CUX1: variants seen among roughly 807,000 people sequenced by gnomAD.
CUX1 encodes the protein cut like homeobox 1, also known as protein CASP.
Under a neutral mutation model 158.8 loss-of-function variants are expected in CUX1, and 31 were observed. The observed-to-expected ratio is 0.20, with a 90% CI of 0.15 to 0.26. The LOEUF (loss-of-function observed/expected upper bound fraction) is 0.26, where lower values mean the gene tolerates loss of function less well. CUX1 is among the 10% of genes least tolerant of loss of function. The pLI is 1.00. For missense variants in CUX1, 1,589 were observed against 2,014.6 expected (o/e 0.79, Z 4.04); for synonymous variants, 879 against 862.1 (o/e 1.02, Z -0.34).
intron 1 of CUX1, among the ~76,000 whole-genome samples, chr7:101,848,714 A>C (rs1329534120): frequency 6.6e-6 from 1 of 151,868 alleles, no homozygotes; most frequent in Non-Finnish European, 1.5e-5. Flanking sequence ...TGCACAGCAA[A>C]CAGAAGACAA....
chr7:102,198,735 C>A, intron 15 of CUX1, 67 bp from the exon 16 acceptor site: 1 of 1,381,170 alleles, frequency 7.2e-7, no homozygotes, highest in Admixed American at 1.7e-5. Context: ...TCATGTCACA[C>A]AGCCCATATC....
In CUX1 at chr7:102,041,060, G is replaced by A. The variant is rs1192921757; in HGVS notation, c.189+12915G>A. 3.3e-5 allele frequency among the ~76,000 whole-genome samples: 5 copies of A among 151,774 alleles called. No individual in the cohort carries two copies. In the South Asian group the frequency reaches 6.2e-4, roughly 19 times the overall value. On this transcript the variant is annotated intron_variant, in intron 3 of 23. Coordinates refer to ENST00000292535, the MANE Select transcript of CUX1 (RefSeq NM_181552.4). ...TACCAGCACTTTGGGAGGCTGAGGC[G>A]GGTGGATCACAAGGTCAGGAGTTCA...
intron 23 of CUX1, among the ~76,000 whole-genome samples, chr7:102,245,394 C>G (rs984833424): frequency 6.6e-6 from 1 of 152,118 alleles, no homozygotes; most frequent in Non-Finnish European, 1.5e-5. Context: ...TCCATCAGCA[C>G]CCAAGTGCAG....
chr7:102,110,396 A>C (rs543227138), intron 6 of CUX1, among the ~76,000 whole-genome samples: 3 of 152,316 alleles, frequency 2.0e-5, no homozygotes, highest in South Asian at 4.1e-4. Context: ...ATAATGTTAC[A>C]TATTAATTCA....
intron 2 of CUX1, among the ~76,000 whole-genome samples, chr7:102,009,347 C>T (rs1185509520): frequency 1.3e-5 from 2 of 152,178 alleles, no homozygotes; most frequent in South Asian, 2.1e-4. Context: ...AGGTGACACC[C>T]CTCACCTAGG....
intron 8 of CUX1, among the ~76,000 whole-genome samples, chr7:102,133,467 C>CTT (rs11266929): frequency 0.027 from 2,467 of 90,570 alleles, 212 homozygotes; most frequent in Non-Finnish European, 0.037. Context: ...AAAAATACAT[C>CTT]TTTTTTTTTT....
chr7:101,961,455 A>C (rs1168597382), intron 2 of CUX1: 1 of 152,240 alleles, frequency 6.6e-6, no homozygotes, highest in African/African-American at 2.4e-5. Flanking sequence ...CTCCATTCCC[A>C]CATGGAGAGT....
At chr7:101,928,694 G>T in intron 2 of CUX1, among the ~76,000 whole-genome samples, 1 of 138,522 alleles carries the variant, frequency 7.2e-6, no homozygotes, top group Non-Finnish European at 1.5e-5. Flanking sequence ...TTTTTGAGAC[G>T]GAGTCTCGCT....
intron 1 of CUX1, among the ~76,000 whole-genome samples, chr7:101,861,194 G>A (rs184351575): frequency 8.5e-5 from 13 of 152,250 alleles, no homozygotes; most frequent in African/African-American, 2.9e-4. Context: ...TTTCTGCCCC[G>A]TGTCTGCTGG....
intron 1 of CUX1, among the ~76,000 whole-genome samples, chr7:101,827,244 C>CCTTCTCTTCCCTTCT (rs1793413821): frequency 7.7e-6 from 1 of 129,676 alleles, no homozygotes; most frequent in Non-Finnish European, 1.6e-5. Context: ...CCCCTCCCCT[C>CCTTCTCTTCCCTTCT]CTTCTCTTCT....
intron 20 of CUX1, among the ~76,000 whole-genome samples, chr7:102,222,965 G>C (rs1425315825): frequency 6.6e-6 from 1 of 150,880 alleles, no homozygotes; most frequent in African/African-American, 2.4e-5. Flanking sequence ...GCACGCGCCT[G>C]GCTAATTTTT....
At chr7:101,945,095 C>G (rs1808213406) in intron 2 of CUX1, among the ~76,000 whole-genome samples, 1 of 152,234 alleles carries the variant, frequency 6.6e-6, no homozygotes, top group Admixed American at 6.5e-5. Flanking sequence ...CACACACAGT[C>G]ACCCACTGGT....
chr7:102,098,768 A>T (rs1464920383), intron 5 of CUX1, among the ~76,000 whole-genome samples: 1 of 148,602 alleles, frequency 6.7e-6, no homozygotes, highest in East Asian at 2.0e-4. Flanking sequence ...AGCCTCCCGA[A>T]TAGCTGGGAC....
At chr7:101,865,570 CAGAG>C (rs1797858977) in intron 1 of CUX1, among the ~76,000 whole-genome samples, 1 of 152,182 alleles carries the variant, frequency 6.6e-6, no homozygotes, top group African/African-American at 2.4e-5. Flanking sequence ...AGTCCCCTGT[CAGAG>C]AGCAATGACA....
At chr7:102,189,510 C>T (rs1362293943) in intron 11 of CUX1, among the ~76,000 whole-genome samples, 1 of 152,040 alleles carries the variant, frequency 6.6e-6, no homozygotes, top group Non-Finnish European at 1.5e-5. Context: ...GTCCTCCCAC[C>T]TCAGCCTCCC....
Position 102,201,633 on chromosome 7 carries a change from C to A in CUX1, c.2336C>A (p.Pro779Gln), listed in dbSNP as rs782209446. ...CCTGAGGCCGGTGCCTCTGCTCTGC[C>A]GAACCCCCCGGCCCTCAAAAAGGAG... Reference protein sequence around the residue: ...AAPEAGASALPNPPALKKEAQ... With the variant: ...AAPEAGASALQNPPALKKEAQ... The change falls in exon 18 of 24, where the codon CCG (proline) becomes CAG (glutamine). Residue 779 changes from proline (P) to glutamine (Q), a missense_variant. Physicochemically the swap from Pro to Gln is moderately conservative, Grantham distance 76. Coordinates refer to ENST00000292535, the MANE Select transcript of CUX1 (RefSeq NM_181552.4). This position sits in a 1 kb window ranked among gnomAD's most constrained non-coding sequence, Gnocchi z 5.0. 6.2e-7 allele frequency: 1 copy of A among 1,613,692 alleles called. No individual in the cohort carries two copies. The highest frequency in any genetic ancestry group is 8.5e-7 in the Non-Finnish European group (1 of 1,179,906).
At chr7:102,143,357 C>G (rs1338525230) in intron 8 of CUX1, among the ~76,000 whole-genome samples, 1 of 152,222 alleles carries the variant, frequency 6.6e-6, no homozygotes, top group Admixed American at 6.5e-5. Flanking sequence ...CAGCCTCCAA[C>G]TCCTGGGCTC....
chr7:102,011,532 G>A (rs563419668), intron 2 of CUX1, among the ~76,000 whole-genome samples: 2 of 151,550 alleles, frequency 1.3e-5, no homozygotes, highest in African/African-American at 4.8e-5. Context: ...ACAGGTGTGC[G>A]CCACCATGCC....
intron 3 of CUX1, among the ~76,000 whole-genome samples, chr7:102,031,727 C>T (rs568604707): frequency 6.6e-6 from 1 of 151,950 alleles, no homozygotes; most frequent in East Asian, 1.9e-4. Flanking sequence ...AATGGTTATA[C>T]GGGGAAGCAA....
Sources: gnomAD v4.1 joint callset for allele counts (sites outside exome capture counted in the v4.1 genomes callset) on GRCh38, gnomAD v4.1.1 for gene constraint, Gnocchi (gnomAD v3.1) non-coding constraint, MANE v1.5 for transcripts, NCBI Gene and HGNC (gene_info 2026-07-23, HGNC 2026-07-21) for gene names.